NECAB3: variants seen among roughly 807,000 people sequenced by gnomAD.
The protein encoded by NECAB3 is N-terminal EF-hand calcium-binding protein 3.
Under a neutral mutation model 57.2 loss-of-function variants are expected in NECAB3, and 38 were observed. The observed-to-expected ratio is 0.66, with a 90% CI of 0.51 to 0.87. NECAB3 has a LOEUF of 0.87. Ranked by LOEUF, NECAB3 falls within the 40% of genes least tolerant of loss-of-function variation. NECAB3 has a pLI of 0.00. For missense variants in NECAB3, 474 were observed against 527.5 expected (o/e 0.90, Z 0.99); for synonymous variants, 223 against 222.6 (o/e 1.00, Z -0.02).
At chr20:33,659,376 G>C in intron 8 of NECAB3, 121 bp downstream of exon 8, 1 of 839,474 alleles carries the variant, frequency 1.2e-6, no homozygotes. Context: ...TGCTTGCCAG[G>C]CCTGGGGGCG....
At position 33,660,839 on chromosome 20, in the gene NECAB3, A is replaced by G. The variant is rs1255114186; in HGVS notation, c.388-444T>C. On this transcript the variant is annotated intron_variant, in intron 5 of 11. Coordinates refer to ENST00000246190, the MANE Select transcript of NECAB3 (RefSeq NM_031232.4). This position sits in a 1 kb window ranked among gnomAD's most constrained non-coding sequence, Gnocchi z 4.1. The stretch of plus-strand genomic sequence containing the variant: ...AATCTACGTATTCACTCATTCATTC[A>G]TTCACTCATACACACAACACTGGGT... 6.6e-6 allele frequency among the ~76,000 whole-genome samples: 1 copy of G among 152,192 alleles called. No individual in the cohort carries two copies. Among genetic ancestry groups the G allele is most frequent in the Non-Finnish European group, 1.5e-5 (1 of 68,030 alleles).
chr20:33,666,468 C>T (rs181841703), intron 5 of NECAB3: 1 of 152,304 alleles, frequency 6.6e-6, no homozygotes, highest in Non-Finnish European at 1.5e-5. Context: ...TCTTTTCTGC[C>T]TTCTGACCAG....
At chr20:33,662,500 G>A (rs1211381794) in intron 5 of NECAB3, 2 of 1,548,800 alleles carry the variant, frequency 1.3e-6, no homozygotes, top group Non-Finnish European at 8.7e-7. Flanking sequence ...GAGCAGGGCT[G>A]GGGAGGCAGC....
rs112148660 is a variant in NECAB3 at position 33,657,941 on chromosome 20, C to A, written c.1162+1G>T. On this transcript the variant is annotated splice_donor_variant, in intron 11 of 11. Coordinates refer to ENST00000246190, the MANE Select transcript of NECAB3 (RefSeq NM_031232.4). LOFTEE classifies it high-confidence loss of function. ...ACAGTGAGTGGGGGTCCACCGCATA[C>A]CTGGGAAGAACACAGTGGTGAGGGT... The A allele has an allele frequency of 1.3e-6, 2 of 1,555,516 alleles. No homozygotes were observed. Among genetic ancestry groups the A allele is most frequent in the African/African-American group, 2.7e-5 (2 of 73,226 alleles).
rs74475872 is a variant in NECAB3 at position 33,664,853 on chromosome 20, C to T, written c.388-4458G>A. ...ATGCAGCAGGACTGAAGTCCCAGCT[C>T]ACTACAGCCATCAGCCCAGCTTCTG... On this transcript the variant is annotated intron_variant, in intron 5 of 11. Coordinates refer to ENST00000246190, the MANE Select transcript of NECAB3 (RefSeq NM_031232.4). 2.0e-3 allele frequency: 298 copies of T among 152,398 alleles called. 2 individuals carry two copies. Among genetic ancestry groups the T allele is most frequent in the Non-Finnish European group, 2.9e-3 (198 of 68,060 alleles). 9.4% of individuals were successfully genotyped at this position (152,398 alleles called of 1,614,324 possible). A position where few individuals can be genotyped will look rare whatever the true frequency, so the allele number is the denominator to read the frequency against.
At chr20:33,664,469 A>C (rs1839462779) in intron 5 of NECAB3, 3 of 190,034 alleles carry the variant, frequency 1.6e-5, no homozygotes, top group South Asian at 1.1e-4. Flanking sequence ...CAGGCCCCCC[A>C]GTCTTCCCCA....
In NECAB3 at chr20:33,660,002, A is replaced by G; in HGVS notation, c.526T>C (p.Ser176Pro). The G allele has an allele frequency of 6.4e-7, 1 of 1,574,012 alleles. No individual in the cohort carries two copies. ...TGCGCCTCCACGCTCTCTGCATCTG[A>G]CCTAGAGGAAGTGAGGCTCACAGGG... ...TLEAQAHGWR[S>P]DAESVEAQSR... The change falls in exon 7 of 12, where the codon TCA becomes CCA. Residue 176 changes from serine (S) to proline (P), a missense_variant and splice_region_variant. Physicochemically the swap from Ser to Pro is moderately conservative, Grantham distance 74. Coordinates refer to ENST00000246190, the MANE Select transcript of NECAB3 (RefSeq NM_031232.4). This position sits in a 1 kb window ranked among gnomAD's most constrained non-coding sequence, Gnocchi z 4.1.
upstream of NECAB3, chr20:33,674,708 C>T (rs1236323987): frequency 6.5e-6 from 1 of 153,056 alleles, no homozygotes; most frequent in South Asian, 2.1e-4. Context: ...AGGACTTCAC[C>T]TTTTGGGGCG....
chr20:33,664,582 T>C (rs1243757818), intron 5 of NECAB3: 1 of 152,830 alleles, frequency 6.5e-6, no homozygotes, highest in Non-Finnish European at 1.5e-5. Flanking sequence ...CCCCTGCTCA[T>C]AAGCTTTCAA....
chr20:33,662,807 G>A (rs979895180), intron 5 of NECAB3: 1 of 272,670 alleles, frequency 3.7e-6, no homozygotes, highest in African/African-American at 2.2e-5. Flanking sequence ...TTGTGGTGGT[G>A]AATGCCCGCA....
chr20:33,663,309 G>C, intron 5 of NECAB3: 1 of 568,366 alleles, frequency 1.8e-6, no homozygotes, highest in South Asian at 2.2e-5. Flanking sequence ...AGGGTTTCCA[G>C]AAAGGAGGCG....
intron 5 of NECAB3, among the ~76,000 whole-genome samples, chr20:33,668,766 C>G (rs911150809): frequency 2.0e-5 from 3 of 152,230 alleles, no homozygotes; most frequent in African/African-American, 7.2e-5. Context: ...CTCCCCCTTA[C>G]AAGAGCTATG....
chr20:33,661,404 T>C (rs1298723059), intron 5 of NECAB3, among the ~76,000 whole-genome samples: 1 of 152,164 alleles, frequency 6.6e-6, no homozygotes, highest in African/African-American at 2.4e-5. Flanking sequence ...CTTCATCTCC[T>C]GCCATGACCT....
chr20:33,657,524 G>C lies in NECAB3; in HGVS notation c.*305C>G, dbSNP rs953770766. ...GCCTGAGGCCCACCCAGACAGGGAC[G>C]GGACCTGCCCTGGGTCGCTCAGCCA... On this transcript the variant is annotated 3_prime_UTR_variant, in exon 12 of 12. Transcript: ENST00000246190. 2.8e-6 allele frequency: 1 copy of C among 360,220 alleles called. No homozygotes were observed. Among genetic ancestry groups the C allele is most frequent in the African/African-American group, 2.6e-5 (1 of 38,562 alleles). 22.3% of individuals were successfully genotyped at this position (360,220 alleles called of 1,614,324 possible). A position where few individuals can be genotyped will look rare whatever the true frequency, so the allele number is the denominator to read the frequency against.
chr20:33,657,756 G>A lies in NECAB3; in HGVS notation c.*73C>T. ...GGAGACAAGTCCTGGTCTTTGCGCTGGGCTGGCCAGTCCAGAAGGCTCCAG... is the reference window on the plus strand; with the variant it reads ...GGAGACAAGTCCTGGTCTTTGCGCTAGGCTGGCCAGTCCAGAAGGCTCCAG... On this transcript the variant is annotated 3_prime_UTR_variant, in exon 12 of 12. Coordinates refer to ENST00000246190, the MANE Select transcript of NECAB3 (RefSeq NM_031232.4). The A allele has an allele frequency of 6.9e-7, 1 of 1,442,332 alleles. No homozygotes were observed. The highest frequency in any genetic ancestry group is 2.5e-5 in the East Asian group (1 of 39,954). 89.3% of individuals were successfully genotyped at this position (1,442,332 alleles called of 1,614,324 possible). A position where few individuals can be genotyped will look rare whatever the true frequency, so the allele number is the denominator to read the frequency against.
At chr20:33,666,208 G>A (rs1220147351) in intron 5 of NECAB3, among the ~76,000 whole-genome samples, 1 of 152,174 alleles carries the variant, frequency 6.6e-6, no homozygotes, top group Non-Finnish European at 1.5e-5. Flanking sequence ...GATCTGTGAT[G>A]AAAAAGCTTT....
At chr20:33,663,802 C>G (rs915206130) in intron 5 of NECAB3, 3 of 1,418,686 alleles carry the variant, frequency 2.1e-6, no homozygotes, top group Admixed American at 3.2e-5. Flanking sequence ...GAAGGCTCCC[C>G]GCGAAGCCGG....
In NECAB3 at chr20:33,659,939, C is replaced by A. The variant is rs748925429; in HGVS notation, c.589G>T (p.Ala197Ser). The A allele has an allele frequency of 1.3e-6, 2 of 1,551,798 alleles. No homozygotes were observed. Among genetic ancestry groups the A allele is most frequent in the Non-Finnish European group, 1.7e-6 (2 of 1,150,224 alleles). The part of the protein sequence containing the change: ...LCGSRRAGRR[A>S]LRSVSRSSTW... Reference sequence around the variant, plus strand: ...GATGACCGGCTGACACTCCTCAGGGCTCGGCGTCCTGCCCGCCGGCTGCCG... The same window carrying A: ...GATGACCGGCTGACACTCCTCAGGGATCGGCGTCCTGCCCGCCGGCTGCCG... The change falls in exon 7 of 12, where the codon GCC (alanine) becomes TCC (serine). Residue 197 changes from alanine (A) to serine (S), a missense_variant. By Grantham distance (99) the Ala-to-Ser change is moderately conservative (BLOSUM62 1). Coordinates refer to ENST00000246190, the MANE Select transcript of NECAB3 (RefSeq NM_031232.4).
chr20:33,662,724 C>A lies in NECAB3; in HGVS notation c.388-2329G>T. 6.6e-6 allele frequency: 3 copies of A among 454,302 alleles called. No homozygotes were observed. The South Asian group carries it at 8.0e-5, about 12-fold the overall frequency. The allele number at this position is 454,302 out of a possible 1,614,324, so 28.1% of individuals were successfully genotyped here. Reference sequence around the variant, plus strand: ...GTAGGCCAAGGTGGGTGGATAACTTCAGCCCAGGAGTTTGAGATTGGCCTG... The same window carrying A: ...GTAGGCCAAGGTGGGTGGATAACTTAAGCCCAGGAGTTTGAGATTGGCCTG... On this transcript the variant is annotated intron_variant, in intron 5 of 11. Transcript: ENST00000246190.
Sources: gnomAD v4.1 joint callset for allele counts (sites outside exome capture counted in the v4.1 genomes callset) on GRCh38, gnomAD v4.1.1 for gene constraint, Gnocchi (gnomAD v3.1) non-coding constraint, MANE v1.5 for transcripts, NCBI Gene and HGNC (gene_info 2026-07-23, HGNC 2026-07-21) for gene names.